The following TENM4 variants were observed in gnomAD, a reference collection of about 807,000 sequenced individuals.
TENM4 encodes the protein teneurin-4.
TENM4 carries 82 observed loss-of-function variants against 243.3 expected under a neutral mutation model. The observed-to-expected ratio is 0.34, with a 90% CI of 0.28 to 0.40. The LOEUF is 0.40. Ranked by LOEUF, TENM4 falls within the 10% of genes least tolerant of loss-of-function variation. TENM4 has a pLI of 1.00. For missense variants in TENM4, 3,138 were observed against 3,673.3 expected (o/e 0.85, Z 3.77); for synonymous variants, 1,412 against 1,456.3 (o/e 0.97, Z 0.69).
rs1275666406 is a variant in TENM4 at position 78,672,094 on chromosome 11, C to A, written c.5732G>T (p.Gly1911Val). The change falls in exon 31 of 34, where the codon GGC (glycine) becomes GTC (valine). Residue 1911 changes from glycine to valine, a missense_variant. This residue lies in a region of TENM4 where 2,467 missense variants were observed against 3,059.1 expected (regional missense o/e 0.81). Transcript: ENST00000278550. Reference protein sequence around the residue: ...MSERMEYDQAGRITSRIFADG... With the variant: ...MSERMEYDQAVRITSRIFADG... ...AGCGAAGATCCTGGATGTGATGCGGCCCGCCTGGTCGTATTCCATTCTTTC... is the reference window on the plus strand; with the variant it reads ...AGCGAAGATCCTGGATGTGATGCGGACCGCCTGGTCGTATTCCATTCTTTC... The A allele has an allele frequency of 6.2e-7, 1 of 1,614,020 alleles. No individual in the cohort carries two copies. The highest frequency in any genetic ancestry group is 2.2e-5 in the East Asian group (1 of 44,874).
intron 1 of TENM4, among the ~76,000 whole-genome samples, chr11:79,419,309 C>A (rs972532591): frequency 6.6e-6 from 1 of 152,210 alleles, no homozygotes; most frequent in Non-Finnish European, 1.5e-5. Context: ...TGACTCACCT[C>A]ACTGCTTATA....
chr11:79,155,694 C>T (rs1862598533), intron 3 of TENM4, among the ~76,000 whole-genome samples: 1 of 138,086 alleles, frequency 7.2e-6, no homozygotes, highest in African/African-American at 2.7e-5. Context: ...CTCTCCCCCT[C>T]CCCTCCTTTC....
intron 4 of TENM4, 119 bp from the exon 5 acceptor site, chr11:79,070,128 G>C (rs1860373494): frequency 1.1e-5 from 14 of 1,264,464 alleles, no homozygotes; most frequent in Non-Finnish European, 1.5e-5. Flanking sequence ...GTGGAGGAGA[G>C]GGTACCGCTC....
At chr11:79,008,273 C>A (rs1043779971) in intron 6 of TENM4, among the ~76,000 whole-genome samples, 6 of 152,174 alleles carry the variant, frequency 3.9e-5, no homozygotes, top group Admixed American at 2.0e-4. Flanking sequence ...GGCTCTGCCA[C>A]CCCGGGTTTA....
rs545453331 is a variant in TENM4 at position 79,018,116 on chromosome 11, T to C, written c.493+46622A>G. ...CACTTCTCCATCTGAAATAAAATCT[T>C]GTTGCCCAACTGAATGCAAGGACCT... On this transcript the variant is annotated intron_variant, in intron 6 of 33. Coordinates refer to ENST00000278550, the MANE Select transcript of TENM4 (RefSeq NM_001098816.3). Among the ~76,000 whole-genome samples the C allele has an allele frequency of 9.2e-5, 14 of 152,272 alleles. No individual in the cohort carries two copies. The East Asian group carries it at 2.5e-3, about 27-fold the overall frequency.
At chr11:78,775,179 G>C (rs1330556535) in intron 17 of TENM4, among the ~76,000 whole-genome samples, 1 of 152,180 alleles carries the variant, frequency 6.6e-6, no homozygotes. Flanking sequence ...TATCCAATTT[G>C]ACCTCAGAAC....
intron 2 of TENM4, among the ~76,000 whole-genome samples, chr11:79,238,138 T>C (rs1167847257): frequency 1.3e-5 from 2 of 152,274 alleles, no homozygotes; most frequent in East Asian, 3.9e-4. Context: ...GCACTCACGG[T>C]TTGGGAGTGC....
At chr11:78,841,140 T>C (rs1858250033) in intron 12 of TENM4, among the ~76,000 whole-genome samples, 1 of 152,182 alleles carries the variant, frequency 6.6e-6, no homozygotes, top group South Asian at 2.1e-4. Context: ...TCATTTTAAC[T>C]TCATAATTAC....
At chr11:79,004,053 A>T (rs1858408432) in intron 6 of TENM4, among the ~76,000 whole-genome samples, 1 of 152,172 alleles carries the variant, frequency 6.6e-6, no homozygotes, top group Admixed American at 6.5e-5. Flanking sequence ...GAAGGGCATT[A>T]CTTAATGGTA....
In TENM4 at chr11:78,653,106, C is replaced by G. The variant is rs901743760; in HGVS notation, c.*4952G>C. On this transcript the variant is annotated 3_prime_UTR_variant, in exon 34 of 34. Transcript: ENST00000278550. ...AGGGTCTTAGAGACCCTCTGGACAT[C>G]CCTCTTGACAGAGCTGCAGCCTGGA... 1 of 152,242 alleles carries G rather than the reference C, an allele frequency of 6.6e-6. No homozygotes were observed. The highest frequency in any genetic ancestry group is 6.5e-5 in the Admixed American group (1 of 15,282). 9.4% of individuals were successfully genotyped at this position (152,242 alleles called of 1,614,324 possible).
At position 79,363,171 on chromosome 11, in the gene TENM4, G is replaced by A. The variant is rs1212755148; in HGVS notation, c.-320-65628C>T. On this transcript the variant is annotated intron_variant, in intron 1 of 33. Transcript: ENST00000278550. ...AAAATCTAGATTTCCAGTTTCTCTT[G>A]GAACAATAAAAGGTATAATGACAAA... is the stretch of plus-strand genomic sequence containing the variant. 2.0e-5 allele frequency among the ~76,000 whole-genome samples: 3 copies of A among 152,172 alleles called. No homozygotes were observed. The East Asian group carries it at 5.8e-4, about 29-fold the overall frequency.
intron 30 of TENM4, among the ~76,000 whole-genome samples, 183 bp from the exon 31 acceptor site, chr11:78,672,512 C>G (rs558160978): frequency 6.6e-6 from 1 of 152,190 alleles, no homozygotes; most frequent in South Asian, 2.1e-4. Flanking sequence ...GTGAAGTTTC[C>G]TCACCTGTAA....
intron 12 of TENM4, among the ~76,000 whole-genome samples, chr11:78,832,108 G>A (rs11237634): frequency 0.02 from 3,064 of 152,248 alleles, 103 homozygotes; most frequent in African/African-American, 0.069. Flanking sequence ...TGGGAACCCC[G>A]CTCTCATTCC....
chr11:78,824,503 C>CTTT (rs35834549), intron 12 of TENM4, among the ~76,000 whole-genome samples: 2 of 137,050 alleles, frequency 1.5e-5, no homozygotes, highest in African/African-American at 2.8e-5. Context: ...TTCTTTCTTT[C>CTTT]TTTTTTTTTT....
chr11:79,173,542 G>A (rs1863095285), intron 3 of TENM4, among the ~76,000 whole-genome samples: 1 of 152,076 alleles, frequency 6.6e-6, no homozygotes, highest in Non-Finnish European at 1.5e-5. Flanking sequence ...GTTACACTAA[G>A]CTAAATTATT....
intron 1 of TENM4, among the ~76,000 whole-genome samples, chr11:79,372,266 C>G (rs896922948): frequency 2.0e-5 from 3 of 152,318 alleles, no homozygotes; most frequent in African/African-American, 2.4e-5. Context: ...ACAATACAGT[C>G]AAGACCCATA....
rs995526952 is a variant in TENM4 at position 78,789,323 on chromosome 11, G to A, written c.2180-2240C>T. 7.2e-5 allele frequency among the ~76,000 whole-genome samples: 11 copies of A among 152,268 alleles called. No homozygotes were observed. The East Asian group carries it at 2.1e-3, about 29-fold the overall frequency. ...CTGTCCCACGTGAGGACAGGGCTGC[G>A]GAGCTATGTCAAGCAGCCCCCTAGG... is the stretch of plus-strand genomic sequence containing the variant. On this transcript the variant is annotated intron_variant, in intron 15 of 33. Coordinates refer to ENST00000278550, the MANE Select transcript of TENM4 (RefSeq NM_001098816.3).
chr11:79,381,637 T>C (rs79109126), intron 1 of TENM4, among the ~76,000 whole-genome samples: 4,325 of 150,824 alleles, frequency 0.029, 218 homozygotes, highest in African/African-American at 0.1. Flanking sequence ...CATTGGGATA[T>C]TTGAATTGGA....
chr11:79,435,873 G>A (rs911894407), intron 1 of TENM4, among the ~76,000 whole-genome samples: 8 of 152,190 alleles, frequency 5.3e-5, no homozygotes, highest in African/African-American at 1.9e-4. Context: ...ATCGGGTTAT[G>A]TAACATGTCA....
Sources: allele counts gnomAD v4.1 joint callset (sites outside exome capture counted in the v4.1 genomes callset), GRCh38; gene constraint gnomAD v4.1.1; regional missense constraint gnomAD v4.1.1; transcripts MANE v1.5; gene names NCBI Gene and HGNC (gene_info 2026-07-23, HGNC 2026-07-21).